SORCS2: variants seen among roughly 807,000 people sequenced by gnomAD.
SORCS2 encodes the protein sortilin related VPS10 domain containing receptor 2, also known as VPS10 domain-containing receptor SorCS2.
Under a neutral mutation model 141.6 loss-of-function variants are expected in SORCS2, and 100 were observed. The observed-to-expected ratio is 0.71, with a 90% CI of 0.60 to 0.83. SORCS2 has a LOEUF of 0.83. SORCS2 is among the 40% of genes least tolerant of loss of function. The pLI is 0.00. For synonymous variants in SORCS2, 789 were observed against 676.9 expected, an observed-to-expected ratio of 1.17 and a Z score of -2.57; for missense variants, 1,646 against 1,560.2, an observed-to-expected ratio of 1.05 and a Z score of -0.93.
intron 10 of SORCS2, among the ~76,000 whole-genome samples, chr4:7,684,137 C>T (rs1432826657): frequency 1.3e-5 from 2 of 152,168 alleles, no homozygotes; most frequent in Non-Finnish European, 2.9e-5. Flanking sequence ...AGCATCCCTG[C>T]CCCTTCCTAG....
intron 3 of SORCS2, among the ~76,000 whole-genome samples, chr4:7,606,924 C>G (rs1464092024): frequency 6.6e-6 from 1 of 152,148 alleles, no homozygotes; most frequent in Non-Finnish European, 1.5e-5. Context: ...GATCCTTTGA[C>G]TTCATTCCTA....
In SORCS2 at chr4:7,673,443, G is replaced by A. The variant is rs747333528; in HGVS notation, c.1162-2607G>A. On this transcript the variant is annotated intron_variant, in intron 8 of 26. Transcript: ENST00000507866. ...GAAGCAGCTCAGTGGAATATGGCCC[G>A]TCCACAAAATGGAATATCATGCAGT... Among the ~76,000 whole-genome samples, 7 of 152,178 alleles carry A rather than the reference G, an allele frequency of 4.6e-5. No homozygotes were observed. In the East Asian group the frequency reaches 5.8e-4, roughly 13 times the overall value.
At chr4:7,358,917 C>T (rs187465398) in intron 1 of SORCS2, among the ~76,000 whole-genome samples, 6 of 152,276 alleles carry the variant, frequency 3.9e-5, no homozygotes, top group East Asian at 1.9e-4. Flanking sequence ...CAGCTCACTG[C>T]AGTCTCAAAC....
At chr4:7,389,151 C>T (rs1219746250) in intron 1 of SORCS2, among the ~76,000 whole-genome samples, 5 of 152,192 alleles carry the variant, frequency 3.3e-5, no homozygotes, top group South Asian at 2.1e-4. Context: ...ATCCTGCCTG[C>T]GCTCTTTCCC....
chr4:7,370,932 G>A (rs534082623), intron 1 of SORCS2, among the ~76,000 whole-genome samples: 5 of 152,300 alleles, frequency 3.3e-5, no homozygotes, highest in African/African-American at 1.2e-4. Context: ...AGACTTGCCT[G>A]TGGGGTCCCC....
intron 1 of SORCS2, among the ~76,000 whole-genome samples, chr4:7,327,140 C>A (rs148068291): frequency 6.6e-6 from 1 of 152,228 alleles, no homozygotes; most frequent in Non-Finnish European, 1.5e-5. Context: ...GCAGCTGCCG[C>A]CGCAACGTTC....
intron 2 of SORCS2, among the ~76,000 whole-genome samples, chr4:7,456,710 G>A (rs1186660922): frequency 6.6e-6 from 1 of 152,140 alleles, no homozygotes; most frequent in African/African-American, 2.4e-5. Flanking sequence ...CTGAACAGAG[G>A]GAACTGCTGC....
intron 1 of SORCS2, among the ~76,000 whole-genome samples, chr4:7,202,564 G>T (rs1727536303): frequency 6.6e-6 from 1 of 152,160 alleles, no homozygotes; most frequent in Non-Finnish European, 1.5e-5. Context: ...ATAATTTCCT[G>T]CAATGTTGAG....
intron 3 of SORCS2, among the ~76,000 whole-genome samples, chr4:7,547,715 C>A (rs1713369156): frequency 6.6e-6 from 1 of 152,230 alleles, no homozygotes; most frequent in Admixed American, 6.5e-5. Flanking sequence ...CTCTTCCCTG[C>A]ATGCACAGAC....
intron 1 of SORCS2, among the ~76,000 whole-genome samples, chr4:7,216,122 G>A (rs12152650): frequency 6.6e-6 from 1 of 151,840 alleles, no homozygotes; most frequent in Non-Finnish European, 1.5e-5. Flanking sequence ...GAGAGACCAC[G>A]AGCCCACGGG....
chr4:7,545,763 A>G (rs10470724), intron 3 of SORCS2, among the ~76,000 whole-genome samples: 136,984 of 152,252 alleles, frequency 0.9, 62,017 homozygotes, highest in East Asian at 0.99. Flanking sequence ...TATAAAGTAA[A>G]CCTTCTGCTG....
chr4:7,728,619 T>C (rs1727387863), intron 22 of SORCS2, among the ~76,000 whole-genome samples, 157 bp downstream of exon 22: 1 of 152,000 alleles, frequency 6.6e-6, no homozygotes, highest in Non-Finnish European at 1.5e-5. Context: ...TGTTGAAAGC[T>C]ATGGATGGGG....
chr4:7,193,541 G>A lies in SORCS2; in HGVS notation c.480+415G>A, dbSNP rs1255351943. On this transcript the variant is annotated intron_variant, in intron 1 of 26. Coordinates refer to ENST00000507866, the MANE Select transcript of SORCS2 (RefSeq NM_020777.3). This position sits in a 1 kb window ranked among gnomAD's most constrained non-coding sequence, Gnocchi z 4.8. ...GTCGCGTTCTGGGATTTTGGGCTCC[G>A]GGATCCTTCCCTCCCTGGTCTACCA... Among the ~76,000 whole-genome samples, 3 of 152,106 alleles carry A rather than the reference G, an allele frequency of 2.0e-5. No individual in the cohort carries two copies. Among genetic ancestry groups the A allele is most frequent in the Non-Finnish European group, 2.9e-5 (2 of 68,024 alleles).
chr4:7,690,937 C>G (rs528243744), intron 11 of SORCS2, among the ~76,000 whole-genome samples: 9 of 152,196 alleles, frequency 5.9e-5, no homozygotes, highest in Admixed American at 4.6e-4. Flanking sequence ...GGTTGATTTG[C>G]TTTAGAAGAA....
At position 7,646,082 on chromosome 4, in the gene SORCS2, G is replaced by A. The variant is rs545205881; in HGVS notation, c.813+7590G>A. On this transcript the variant is annotated intron_variant, in intron 4 of 26. Transcript: ENST00000507866. ...TGCGCACCCGGCAGCCACGGATTCC[G>A]GGCTACCGCTGGTGCCGCAGGTGAG... Among the ~76,000 whole-genome samples the A allele has an allele frequency of 5.9e-5, 9 of 152,364 alleles. 1 individual carries two copies. The highest frequency in any genetic ancestry group is 2.1e-4 in the South Asian group (1 of 4,830).
At chr4:7,538,773 C>T (rs1712335006) in intron 3 of SORCS2, among the ~76,000 whole-genome samples, 1 of 152,212 alleles carries the variant, frequency 6.6e-6, no homozygotes, top group African/African-American at 2.4e-5. Flanking sequence ...CCTCATTCCG[C>T]TCACTCGCCC....
intron 1 of SORCS2, among the ~76,000 whole-genome samples, chr4:7,269,471 C>G (rs892240340): frequency 1.1e-4 from 17 of 152,200 alleles, no homozygotes; most frequent in Non-Finnish European, 2.1e-4. Context: ...TGGATGGAAT[C>G]CAGTGAAGGA....
At chr4:7,373,708 T>C (rs768180652) in intron 1 of SORCS2, among the ~76,000 whole-genome samples, 6 of 151,402 alleles carry the variant, frequency 4.0e-5, no homozygotes, top group Non-Finnish European at 8.8e-5. Context: ...GCCAGGCTGG[T>C]CTCGAACTCC....
At chr4:7,639,433 C>T (rs940538451) in intron 4 of SORCS2, among the ~76,000 whole-genome samples, 3 of 150,500 alleles carry the variant, frequency 2.0e-5, no homozygotes, top group African/African-American at 7.3e-5. Flanking sequence ...TGTATGCACA[C>T]TTGTAAGTGT....
Sources: allele counts gnomAD v4.1 joint callset (sites outside exome capture counted in the v4.1 genomes callset), GRCh38; gene constraint gnomAD v4.1.1; non-coding constraint Gnocchi (gnomAD v3.1); transcripts MANE v1.5; gene names NCBI Gene and HGNC (gene_info 2026-07-23, HGNC 2026-07-21).